The following CEP57L1 variants were observed in gnomAD, a reference collection of about 807,000 sequenced individuals.
The protein encoded by CEP57L1 is centrosomal protein 57 like 1, also known as centrosomal protein CEP57L1.
CEP57L1 carries 37 observed loss-of-function variants against 61.0 expected under a neutral mutation model. That is an observed-to-expected ratio of 0.61 (90% confidence interval 0.47 to 0.80). The LOEUF (loss-of-function observed/expected upper bound fraction) is 0.80. Among genes scored for constraint, CEP57L1 ranks in the 30% least tolerant of loss-of-function variants. CEP57L1 has a pLI of 0.00. For synonymous variants in CEP57L1, 137 were observed against 162.3 expected, an observed-to-expected ratio of 0.84 and a Z score of 1.19; for missense variants, 422 against 524.7, an observed-to-expected ratio of 0.80 and a Z score of 1.91.
At chr6:109,117,271 A>G (rs1460127544) in intron 1 of CEP57L1, among the ~76,000 whole-genome samples, 1 of 152,204 alleles carries the variant, frequency 6.6e-6, no homozygotes, top group Non-Finnish European at 1.5e-5. Context: ...ACACAAGAGA[A>G]TATTACTTAT....
intron 5 of CEP57L1, among the ~76,000 whole-genome samples, chr6:109,154,399 C>CT (rs1324972344): frequency 6.6e-6 from 1 of 152,118 alleles, no homozygotes; most frequent in African/African-American, 2.4e-5. Context: ...TACTGTCCTC[C>CT]TATTCTGAAC....
intron 1 of CEP57L1, among the ~76,000 whole-genome samples, chr6:109,106,373 C>G (rs1770935265): frequency 6.6e-6 from 1 of 151,974 alleles, no homozygotes; most frequent in Admixed American, 6.6e-5. Flanking sequence ...TGTTTTGTCC[C>G]TTTGTCAGGA....
At chr6:109,105,524 T>A (rs1323480157) in intron 1 of CEP57L1, among the ~76,000 whole-genome samples, 1 of 152,198 alleles carries the variant, frequency 6.6e-6, no homozygotes, top group Non-Finnish European at 1.5e-5. Flanking sequence ...TTCTTTTGTA[T>A]CAGTCCCTTT....
chr6:109,139,456 G>T (rs888250861), intron 1 of CEP57L1, among the ~76,000 whole-genome samples: 5 of 151,844 alleles, frequency 3.3e-5, no homozygotes, highest in African/African-American at 1.2e-4. Context: ...GAGCCATCTC[G>T]CCTGGCTGAA....
At chr6:109,124,038 T>C (rs1321517816) in intron 1 of CEP57L1, among the ~76,000 whole-genome samples, 1 of 151,402 alleles carries the variant, frequency 6.6e-6, no homozygotes, top group Non-Finnish European at 1.5e-5. Context: ...ACCATTGCAC[T>C]CCAGCCCAGC....
intron 1 of CEP57L1, among the ~76,000 whole-genome samples, chr6:109,105,301 G>A (rs960992169): frequency 5.3e-5 from 8 of 151,996 alleles, no homozygotes; most frequent in Non-Finnish European, 1.0e-4. Context: ...TAAAACAAAG[G>A]TTTGTTGTTC....
Position 109,121,104 on chromosome 6 carries a change from G to C in CEP57L1, c.-3-24115G>C, listed in dbSNP as rs144264582. Among the ~76,000 whole-genome samples the C allele has an allele frequency of 7.7e-3, 1,177 of 152,262 alleles. 7 individuals are homozygous for C. The highest frequency in any genetic ancestry group is 0.014 in the Middle Eastern group (4 of 294). The stretch of plus-strand genomic sequence containing the variant: ...CTAGACAGGACTGTGTTGTGAGAAG[G>C]ACTCTTGAGGACCTTCACCCACTAA... On this transcript the variant is annotated intron_variant, in intron 1 of 10. Coordinates refer to ENST00000517392, the MANE Select transcript of CEP57L1 (RefSeq NM_001271852.3).
At chr6:109,137,429 G>A (rs2114809459) in intron 1 of CEP57L1, among the ~76,000 whole-genome samples, 1 of 152,204 alleles carries the variant, frequency 6.6e-6, no homozygotes, top group South Asian at 2.1e-4. Flanking sequence ...AGCCTCCTGA[G>A]TAGCTGGGAC....
At chr6:109,155,536 G>A (rs1773132149) in intron 6 of CEP57L1, among the ~76,000 whole-genome samples, 1 of 151,732 alleles carries the variant, frequency 6.6e-6, no homozygotes, top group Non-Finnish European at 1.5e-5. Context: ...TCAGTTGAAG[G>A]AACTCCTAGG....
chr6:109,166,168 G>A lies in CEP57L1; in HGVS notation c.*3198G>A, dbSNP rs76903324. Among the ~76,000 whole-genome samples, 2 of 152,264 alleles carry A rather than the reference G, an allele frequency of 1.3e-5. No individual in the cohort carries two copies. The highest frequency in any genetic ancestry group is 4.8e-5 in the African/African-American group (2 of 41,558). On this transcript the variant is annotated 3_prime_UTR_variant, in exon 11 of 11. Transcript: ENST00000517392. ...TAGATAAAGACAGGAGGGTCAGAGG[G>A]AAATGTTCAGTTTTCAACAATGTAA...
Position 109,127,714 on chromosome 6 carries a change from G to A in CEP57L1, c.-3-17505G>A, listed in dbSNP as rs555369140. Among the ~76,000 whole-genome samples the A allele has an allele frequency of 6.6e-5, 10 of 151,956 alleles. No homozygotes were observed. In the East Asian group the frequency reaches 1.9e-3, roughly 29 times the overall value. ...CGGCTTGCTGCAACCTCCGCCTCCT[G>A]GGTTCAAGCGATTCTCCTGCCTCAG... On this transcript the variant is annotated intron_variant, in intron 1 of 10. Coordinates refer to ENST00000517392, the MANE Select transcript of CEP57L1 (RefSeq NM_001271852.3).
chr6:109,150,375 C>G, intron 4 of CEP57L1, 136 bp downstream of exon 4: 1 of 1,033,172 alleles, frequency 9.7e-7, no homozygotes, highest in Non-Finnish European at 1.4e-6. Context: ...ATTGGAGTTT[C>G]AAAAGGAAAG....
intron 1 of CEP57L1, among the ~76,000 whole-genome samples, chr6:109,113,024 G>T (rs1407226425): frequency 6.6e-6 from 1 of 152,096 alleles, no homozygotes; most frequent in East Asian, 1.9e-4. Context: ...TGTCTCTTAG[G>T]TCCGCTTGGT....
chr6:109,154,599 CT>C, intron 5 of CEP57L1, among the ~76,000 whole-genome samples: 1 of 152,100 alleles, frequency 6.6e-6, no homozygotes, highest in Middle Eastern at 3.4e-3. Flanking sequence ...AAATCCAAAA[CT>C]TTTTGAACAC....
chr6:109,099,146 G>A (rs73518372), intron 1 of CEP57L1, among the ~76,000 whole-genome samples: 1,580 of 152,322 alleles, frequency 0.01, 39 homozygotes, highest in African/African-American at 0.036. Context: ...GGAGGAGGCA[G>A]TTGAATAAAT....
rs1332576863 is a variant in CEP57L1, at chr6:109,120,957, C to CACACACACACAG, written c.-3-24261_-3-24260insCACACACACAGA. Among the ~76,000 whole-genome samples, 58 of 141,170 alleles carry CACACACACACAG rather than the reference C, an allele frequency of 4.1e-4. 2 individuals are homozygous for CACACACACACAG. The highest frequency in any genetic ancestry group is 1.4e-3 in the African/African-American group (55 of 38,104). 92.6% of individuals were successfully genotyped at this position (141,170 alleles called of 152,430 possible). On this transcript the variant is annotated intron_variant, in intron 1 of 10. Coordinates refer to ENST00000517392, the MANE Select transcript of CEP57L1 (RefSeq NM_001271852.3). ...ACACACACACACACACACACACACA[C>CACACACACACAG]AGTCACTCACTCATAGGCAAACATT...
intron 1 of CEP57L1, among the ~76,000 whole-genome samples, chr6:109,134,866 G>A (rs1262705618): frequency 6.6e-6 from 1 of 152,106 alleles, no homozygotes; most frequent in Non-Finnish European, 1.5e-5. Context: ...GGGATGTGAA[G>A]GACCTCTTCA....
chr6:109,109,148 G>GATGATTA, intron 1 of CEP57L1, among the ~76,000 whole-genome samples: 1 of 152,126 alleles, frequency 6.6e-6, no homozygotes. Context: ...GTAGTCTCCT[G>GATGATTA]TGTAGAGCTG....
chr6:109,117,329 G>A (rs1772423608), intron 1 of CEP57L1, among the ~76,000 whole-genome samples: 1 of 152,148 alleles, frequency 6.6e-6, no homozygotes, highest in Non-Finnish European at 1.5e-5. Context: ...TGGCTTTGCT[G>A]CTCTACAAAC....
Sources: gnomAD v4.1 joint callset for allele counts (sites outside exome capture counted in the v4.1 genomes callset) on GRCh38, gnomAD v4.1.1 for gene constraint, MANE v1.5 for transcripts, NCBI Gene and HGNC (gene_info 2026-07-23, HGNC 2026-07-21) for gene names.